JHY: variants seen among roughly 807,000 people sequenced by gnomAD.
JHY encodes junctional cadherin complex regulator.
A neutral mutation model predicts 78.0 loss-of-function variants in JHY; 69 were observed. The observed-to-expected ratio is 0.88, with a 90% confidence interval of 0.73 to 1.08. The LOEUF (loss-of-function observed/expected upper bound fraction) is 1.08, where lower values mean the gene tolerates loss of function less well. JHY is among the 50% of genes least tolerant of loss of function. The pLI is 0.00. For synonymous variants in JHY, 368 were observed against 342.6 expected (o/e 1.07, Z -0.82); for missense variants, 944 against 927.8 (o/e 1.02, Z -0.23).
chr11:122,912,898 G>T (rs180959431), intron 3 of JHY, among the ~76,000 whole-genome samples: 24 of 151,844 alleles, frequency 1.6e-4, no homozygotes, highest in Non-Finnish European at 2.1e-4. Context: ...ACCAAGCTAC[G>T]GACTCGGGGC....
intron 5 of JHY, among the ~76,000 whole-genome samples, chr11:122,943,782 A>C (rs553139086): frequency 6.6e-6 from 1 of 152,106 alleles, no homozygotes; most frequent in Non-Finnish European, 1.5e-5. Flanking sequence ...TAAATTTAGC[A>C]TTGAGTCTGG....
intron 2 of JHY, among the ~76,000 whole-genome samples, chr11:122,888,658 AT>A: frequency 6.6e-6 from 1 of 152,272 alleles, no homozygotes; most frequent in South Asian, 2.1e-4. Flanking sequence ...TGTATTACAG[AT>A]AAAGTTTCCA....
chr11:122,938,100 C>T lies in JHY; in HGVS notation c.1634+3025C>T, dbSNP rs531517561. 3.5e-4 allele frequency among the ~76,000 whole-genome samples: 53 copies of T among 151,872 alleles called. 2 individuals are homozygous for T. The South Asian group carries it at 8.3e-3, about 24-fold the overall frequency. On this transcript the variant is annotated intron_variant, in intron 5 of 8. Transcript: ENST00000227349. ...ACTGAAGTGAAATTTCATAATATTG[C>T]GCCTTTGTATAGGTCTGTTTTCATA...
At chr11:122,901,769 A>G (rs1017235874) in intron 2 of JHY, among the ~76,000 whole-genome samples, 8 of 151,914 alleles carry the variant, frequency 5.3e-5, no homozygotes, top group African/African-American at 1.9e-4. Context: ...GCTACTCGGG[A>G]GGCTGAGGCA....
chr11:122,887,355 G>A (rs3134431), intron 2 of JHY, among the ~76,000 whole-genome samples: 5,191 of 152,134 alleles, frequency 0.034, 395 homozygotes, highest in East Asian at 0.33. Flanking sequence ...GAGGAGTCTC[G>A]CTCTGTCATC....
At chr11:122,948,442 TTAATAATAATAATAATAA>T (rs10527069) in intron 6 of JHY, among the ~76,000 whole-genome samples, 6 of 143,502 alleles carry the variant, frequency 4.2e-5, no homozygotes, top group Non-Finnish European at 9.0e-5. Context: ...AAACTTTGTC[TTAATAATAATAATAATAA>T]TAATAATAAT....
intron 2 of JHY, among the ~76,000 whole-genome samples, chr11:122,893,038 T>A (rs1862659115): frequency 1.3e-5 from 2 of 152,196 alleles, no homozygotes; most frequent in Non-Finnish European, 2.9e-5. Context: ...CATTCATCCA[T>A]GTTGTTTTCT....
chr11:122,891,570 T>TAAA (rs10636239), intron 2 of JHY, among the ~76,000 whole-genome samples: 229 of 147,476 alleles, frequency 1.6e-3, no homozygotes, highest in East Asian at 8.5e-3. Context: ...CCTTGTATAT[T>TAAA]AAAAAAAAAA....
intron 5 of JHY, among the ~76,000 whole-genome samples, chr11:122,937,152 T>C (rs1052907206): frequency 3.9e-5 from 6 of 152,154 alleles, no homozygotes; most frequent in Non-Finnish European, 8.8e-5. Context: ...TGTCTTAAAA[T>C]GTACTGTCAT....
rs940358231 is a variant in JHY at position 122,960,933 on chromosome 11, A to G, written c.*1488A>G. 8.8e-5 allele frequency: 63 copies of G among 716,722 alleles called. No individual in the cohort carries two copies. Among genetic ancestry groups the G allele is most frequent in the South Asian group, 8.4e-4 (62 of 73,844 alleles). The allele number at this position is 716,722 out of a possible 1,614,324, so 44.4% of individuals were successfully genotyped here. ...AGTAAAGAATCGCCTGGACTATCAT[A>G]TATCTGTGCAGAACATGATGCGTTG... On this transcript the variant is annotated 3_prime_UTR_variant, in exon 9 of 9. Transcript: ENST00000227349.
In JHY at chr11:122,961,236, G is replaced by A. The variant is rs1864307944; in HGVS notation, c.*1791G>A. The A allele has an allele frequency of 1.4e-5, 6 of 426,942 alleles. No individual in the cohort carries two copies. In the Admixed American group the frequency reaches 2.1e-4, roughly 15 times the overall value. The allele number at this position is 426,942 out of a possible 1,614,324, so 26.4% of individuals were successfully genotyped here. A position where few individuals can be genotyped will look rare whatever the true frequency, so the allele number is the denominator to read the frequency against. On this transcript the variant is annotated 3_prime_UTR_variant, in exon 9 of 9. Transcript: ENST00000227349. Reference sequence around the variant, plus strand: ...GAAACATTTGTTCCCTATACTGAGAGAACTCAATCTATTGGCCAATCAGAT... The same window carrying A: ...GAAACATTTGTTCCCTATACTGAGAAAACTCAATCTATTGGCCAATCAGAT...
chr11:122,915,186 T>C (rs1863209762), intron 3 of JHY, among the ~76,000 whole-genome samples: 1 of 152,254 alleles, frequency 6.6e-6, no homozygotes, highest in African/African-American at 2.4e-5. Flanking sequence ...ACACAGGTCA[T>C]ATTGCACCGT....
rs1250881629 is a variant in JHY, at chr11:122,929,247, T to TG, written c.978+4237_978+4238insG. Among the ~76,000 whole-genome samples the TG allele has an allele frequency of 2.0e-5, 3 of 151,952 alleles. No homozygotes were observed. In the East Asian group the frequency reaches 5.8e-4, roughly 29 times the overall value. ...TGGCCAAGGTTGTTTTTTGTTTTTT[T>TG]TTTTTTTTAAAGCAGTACCTCCCCT... On this transcript the variant is annotated intron_variant, in intron 4 of 8. Transcript: ENST00000227349.
intron 5 of JHY, among the ~76,000 whole-genome samples, chr11:122,937,562 G>A (rs1438156760): frequency 6.6e-6 from 1 of 151,912 alleles, no homozygotes; most frequent in Non-Finnish European, 1.5e-5. Flanking sequence ...CACCCCTTCC[G>A]GCATTTCTTT....
At chr11:122,929,675 A>G (rs889290765) in intron 4 of JHY, among the ~76,000 whole-genome samples, 1 of 152,224 alleles carries the variant, frequency 6.6e-6, no homozygotes, top group Non-Finnish European at 1.5e-5. Context: ...GGAAGGCTCC[A>G]TGACTTGAAA....
rs1398729700 is a variant in JHY, at chr11:122,946,523, C to T, written c.1660C>T (p.Gln554Ter). ...GAAATTCCATTCTTCTTCTGACAGC[C>T]AGACGGTTAGAGCTTCTCCAGATTC... ...LWKFHSSSDS[Q>*]TVRASPDSWL... is the part of the protein sequence containing the mutation. Residue 554 changes from glutamine to a stop codon, truncating the protein, a stop_gained, in exon 6 of 9, where the codon CAG becomes TAG. Coordinates refer to ENST00000227349, the MANE Select transcript of JHY (RefSeq NM_024806.4). LOFTEE classifies it high-confidence loss of function. 5 of 1,589,550 alleles carry T rather than the reference C, an allele frequency of 3.1e-6. No individual in the cohort carries two copies. Among genetic ancestry groups the T allele is most frequent in the Non-Finnish European group, 4.3e-6 (5 of 1,170,208 alleles).
chr11:122,924,444 A>C (rs1863449556), intron 3 of JHY, among the ~76,000 whole-genome samples: 1 of 152,212 alleles, frequency 6.6e-6, no homozygotes, highest in Non-Finnish European at 1.5e-5. Context: ...TGTGAGGATT[A>C]CCTGAGAACT....
rs757354903 is a variant in JHY at position 122,934,887 on chromosome 11, T to A, written c.1446T>A (p.Tyr482Ter). ...ACCAAGAAGAGAAAAGATTTTCATA[T>A]CAGCAGCTACACACCCTTTCTGACA... is the stretch of plus-strand genomic sequence containing the variant. ...HKDQEEKRFS[Y>*]QQLHTLSDMD... Residue 482 changes from tyrosine to a stop codon, truncating the protein, a stop_gained, in exon 5 of 9, where the codon TAT becomes TAA. Coordinates refer to ENST00000227349, the MANE Select transcript of JHY (RefSeq NM_024806.4). LOFTEE classifies it high-confidence loss of function. 6.2e-7 allele frequency: 1 copy of A among 1,614,054 alleles called. No homozygotes were observed. The highest frequency in any genetic ancestry group is 8.5e-7 in the Non-Finnish European group (1 of 1,179,992).
At chr11:122,904,516 A>G (rs1359118803) in intron 3 of JHY, 72 bp downstream of exon 3, 5 of 1,507,212 alleles carry the variant, frequency 3.3e-6, no homozygotes, top group Non-Finnish European at 4.5e-6. Context: ...CAGTGTCTAG[A>G]TATCGCTTCC....
Sources: gnomAD v4.1 joint callset for allele counts (sites outside exome capture counted in the v4.1 genomes callset) on GRCh38, gnomAD v4.1.1 for gene constraint, MANE v1.5 for transcripts, NCBI Gene and HGNC (gene_info 2026-07-23, HGNC 2026-07-21) for gene names.